PDGFC: variants seen among roughly 807,000 people sequenced by gnomAD.
The protein encoded by PDGFC is platelet derived growth factor C, also known as platelet-derived growth factor C.
A neutral mutation model predicts 35.5 loss-of-function variants in PDGFC; 12 were observed. The ratio of observed to expected loss-of-function variants is 0.34; its 90% CI spans 0.22 to 0.55. The LOEUF (loss-of-function observed/expected upper bound fraction) is 0.55. Among genes scored for constraint, PDGFC ranks in the 20% least tolerant of loss-of-function variants. The pLI, the probability that PDGFC is intolerant of heterozygous loss-of-function variation, is 0.91. For synonymous variants in PDGFC, 159 were observed against 148.8 expected (o/e 1.07, Z -0.50); for missense variants, 322 against 412.4 (o/e 0.78, Z 1.90).
intron 3 of PDGFC, among the ~76,000 whole-genome samples, chr4:156,800,901 C>T (rs1010410521): frequency 5.9e-5 from 9 of 152,132 alleles, no homozygotes; most frequent in Admixed American, 3.3e-4. Context: ...AGTTTTAATA[C>T]ACCTTTCCCC....
intron 1 of PDGFC, among the ~76,000 whole-genome samples, chr4:156,919,831 T>C (rs766200065): frequency 3.0e-4 from 45 of 152,244 alleles, no homozygotes; most frequent in Admixed American, 1.4e-3. Context: ...ACAAGCCTGA[T>C]ACACTTTGTA....
intron 3 of PDGFC, among the ~76,000 whole-genome samples, chr4:156,790,668 A>T (rs1238722932): frequency 6.6e-6 from 1 of 152,206 alleles, no homozygotes; most frequent in Admixed American, 6.5e-5. Flanking sequence ...TTCTCAACAA[A>T]AATATTAACC....
At chr4:156,869,869 C>A (rs1729938387) in intron 1 of PDGFC, among the ~76,000 whole-genome samples, 1 of 151,912 alleles carries the variant, frequency 6.6e-6, no homozygotes, top group African/African-American at 2.4e-5. Context: ...CACACATACA[C>A]AAATAAATAT....
Position 156,845,380 on chromosome 4 carries a change from A to T in PDGFC, c.314+4841T>A, listed in dbSNP as rs527623438. Among the ~76,000 whole-genome samples, 851 of 151,794 alleles carry T rather than the reference A, an allele frequency of 5.6e-3. 9 individuals are homozygous for T. Among genetic ancestry groups the T allele is most frequent in the African/African-American group, 0.019 (808 of 41,544 alleles). On this transcript the variant is annotated intron_variant, in intron 2 of 5. Transcript: ENST00000502773. Reference sequence around the variant, plus strand: ...CATAATGAATGTAAGAAAATAAATTAAAAATATATATATATACAGAGAGAG... The same window carrying T: ...CATAATGAATGTAAGAAAATAAATTTAAAATATATATATATACAGAGAGAG...
intron 3 of PDGFC, chr4:156,774,232 T>C (rs1730762297): frequency 6.6e-6 from 1 of 152,208 alleles, no homozygotes; most frequent in Admixed American, 6.5e-5. Context: ...GACATGCATA[T>C]TTTGTTCCAA....
At chr4:156,769,228 T>C (rs569103462) in intron 4 of PDGFC, among the ~76,000 whole-genome samples, 13 of 151,964 alleles carry the variant, frequency 8.6e-5, no homozygotes, top group Non-Finnish European at 2.9e-5. Flanking sequence ...TGGTTAAAGA[T>C]GGCTTCAAGT....
intron 2 of PDGFC, among the ~76,000 whole-genome samples, chr4:156,833,716 C>T (rs539683087): frequency 5.9e-5 from 9 of 152,228 alleles, no homozygotes; most frequent in African/African-American, 1.9e-4. Flanking sequence ...TATCTTAGAG[C>T]AAAGGTGTGA....
At chr4:156,878,095 A>G (rs1730157699) in intron 1 of PDGFC, among the ~76,000 whole-genome samples, 1 of 152,208 alleles carries the variant, frequency 6.6e-6, no homozygotes, top group African/African-American at 2.4e-5. Flanking sequence ...TGGCACATGG[A>G]AAGCACTTAA....
At chr4:156,877,001 A>T (rs1214938537) in intron 1 of PDGFC, among the ~76,000 whole-genome samples, 2 of 152,134 alleles carry the variant, frequency 1.3e-5, no homozygotes, top group Non-Finnish European at 2.9e-5. Context: ...ACAACCTGAA[A>T]AAGAGTGGTC....
At chr4:156,814,812 T>C (rs1732035563) in intron 2 of PDGFC, among the ~76,000 whole-genome samples, 1 of 152,178 alleles carries the variant, frequency 6.6e-6, no homozygotes, top group South Asian at 2.1e-4. Flanking sequence ...AACACTTTAT[T>C]AAGAAACAAA....
intron 1 of PDGFC, among the ~76,000 whole-genome samples, chr4:156,863,645 T>A (rs1420217933): frequency 6.6e-6 from 1 of 152,168 alleles, no homozygotes; most frequent in Non-Finnish European, 1.5e-5. Flanking sequence ...CTTTACCAAT[T>A]ATTAATGATT....
At chr4:156,928,938 G>A (rs1482082316) in intron 1 of PDGFC, among the ~76,000 whole-genome samples, 1 of 152,064 alleles carries the variant, frequency 6.6e-6, no homozygotes, top group Admixed American at 6.5e-5. Flanking sequence ...TACTTACATG[G>A]GAGCTAAGCA....
intron 1 of PDGFC, among the ~76,000 whole-genome samples, chr4:156,908,170 A>G (rs911774716): frequency 2.0e-5 from 3 of 152,144 alleles, no homozygotes; most frequent in Non-Finnish European, 2.9e-5. Context: ...CATTCCAAAA[A>G]AGAAAAAAGC....
chr4:156,779,313 C>T (rs530024159), intron 3 of PDGFC, among the ~76,000 whole-genome samples: 1 of 152,130 alleles, frequency 6.6e-6, no homozygotes, highest in Non-Finnish European at 1.5e-5. Flanking sequence ...TGCATTCCTA[C>T]TCAAGAACAG....
At chr4:156,815,202 G>A (rs953454666) in intron 2 of PDGFC, among the ~76,000 whole-genome samples, 2 of 144,972 alleles carry the variant, frequency 1.4e-5, no homozygotes, top group East Asian at 2.0e-4. Context: ...CTCAGAACTC[G>A]TGTCATACAA....
At chr4:156,818,323 C>T (rs1398055506) in intron 2 of PDGFC, among the ~76,000 whole-genome samples, 1 of 151,810 alleles carries the variant, frequency 6.6e-6, no homozygotes, top group Admixed American at 6.6e-5. Context: ...TTTTTTCTGA[C>T]AGCATGTGCT....
chr4:156,881,798 C>T (rs1730249172), intron 1 of PDGFC, among the ~76,000 whole-genome samples: 1 of 150,260 alleles, frequency 6.7e-6, no homozygotes, highest in Admixed American at 6.6e-5. Context: ...CCACTGCACT[C>T]CAGCCAGGGA....
At chr4:156,781,711 G>A (rs772900997) in intron 3 of PDGFC, among the ~76,000 whole-genome samples, 1 of 151,998 alleles carries the variant, frequency 6.6e-6, no homozygotes, top group Non-Finnish European at 1.5e-5. Context: ...ATAGAAAATG[G>A]GGCGTTTGTC....
chr4:156,770,430 T>G (rs1730663292), intron 4 of PDGFC: 1 of 152,078 alleles, frequency 6.6e-6, no homozygotes, highest in Non-Finnish European at 1.5e-5. Context: ...TAAGCTTCAT[T>G]AAGTTAAGTC....
Sources: gnomAD v4.1 joint callset for allele counts (sites outside exome capture counted in the v4.1 genomes callset) on GRCh38, gnomAD v4.1.1 for gene constraint, MANE v1.5 for transcripts, NCBI Gene and HGNC (gene_info 2026-07-23, HGNC 2026-07-21) for gene names.